Variants in RNF111 observed in about 807,000 individuals in gnomAD.
RNF111 encodes E3 ubiquitin-protein ligase Arkadia.
A neutral mutation model predicts 95.1 loss-of-function variants in RNF111; 17 were observed. The observed-to-expected ratio is 0.18, with a 90% CI of 0.12 to 0.27. The LOEUF (loss-of-function observed/expected upper bound fraction) is 0.27, where lower values mean the gene tolerates loss of function less well. Among genes scored for constraint, RNF111 ranks in the 10% least tolerant of loss-of-function variants. RNF111 has a pLI of 1.00. For synonymous variants in RNF111, 440 were observed against 414.8 expected (o/e 1.06, Z -0.74); for missense variants, 1,189 against 1,210.4 (o/e 0.98, Z 0.26).
intron 2 of RNF111, among the ~76,000 whole-genome samples, chr15:59,039,481 T>C (rs1378945537): frequency 6.6e-6 from 1 of 152,216 alleles, no homozygotes; most frequent in African/African-American, 2.4e-5. Context: ...TTGAGTATCA[T>C]TATGAATGCA....
Position 59,091,124 on chromosome 15 carries a change from A to T in RNF111, c.2709A>T (p.Glu903Asp), listed in dbSNP as rs771807265. 6.2e-7 allele frequency: 1 copy of T among 1,607,372 alleles called. No homozygotes were observed. Among genetic ancestry groups the T allele is most frequent in the South Asian group, 1.1e-5 (1 of 90,574 alleles). ...VNRGASQGTI[E>D]RCTYPHKYKK... ...GTGGAGCATCCCAGGGGACAATTGA[A>T]AGATGTACATATCCACATAAATACA... The change falls in exon 12 of 14, where the codon GAA (glutamate) becomes GAT (aspartate). Residue 903 changes from glutamate to aspartate, a missense_variant. This residue lies in a region of RNF111 where 165 missense variants were observed against 284.6 expected (regional missense o/e 0.58). Transcript: ENST00000348370.
At chr15:59,090,392 G>A (rs2079019389) in intron 11 of RNF111, among the ~76,000 whole-genome samples, 1 of 152,134 alleles carries the variant, frequency 6.6e-6, no homozygotes, top group East Asian at 1.9e-4. Context: ...ACCACGCCCG[G>A]CTAATTTTTG....
At chr15:59,026,393 T>C (rs1482217536) in intron 1 of RNF111, among the ~76,000 whole-genome samples, 1 of 141,306 alleles carries the variant, frequency 7.1e-6, no homozygotes, top group Admixed American at 7.1e-5. Context: ...CATCATGACA[T>C]AGCAATGAAA....
At chr15:59,015,399 A>C (rs1435010200) in intron 1 of RNF111, among the ~76,000 whole-genome samples, 1 of 152,130 alleles carries the variant, frequency 6.6e-6, no homozygotes, top group Non-Finnish European at 1.5e-5. Context: ...GCATTTTAAT[A>C]AAAATGGAGA....
intron 2 of RNF111, among the ~76,000 whole-genome samples, chr15:59,042,780 T>A (rs943822765): frequency 1.3e-5 from 2 of 152,226 alleles, no homozygotes; most frequent in African/African-American, 4.8e-5. Context: ...GTCTTATTGC[T>A]CTGTCTGTCC....
chr15:59,055,924 C>A, intron 4 of RNF111, 79 bp downstream of exon 4: 1 of 1,106,306 alleles, frequency 9.0e-7, no homozygotes, highest in East Asian at 2.7e-5. Flanking sequence ...AGAAACTCCT[C>A]CTGCTTACTG....
At position 59,058,557 on chromosome 15, in the gene RNF111, A is replaced by T. The variant is rs763631645; in HGVS notation, c.1366+7A>T. ...ACTGGCACTTCTATAGGAGGTATGT[A>T]AAAAAGTGGGGGAGGGGAGACTTTT... is the stretch of plus-strand genomic sequence containing the variant. On this transcript the variant is annotated splice_region_variant and intron_variant, in intron 5 of 13. Coordinates refer to ENST00000348370, the MANE Select transcript of RNF111 (RefSeq NM_017610.8). 24 of 1,612,850 alleles carry T rather than the reference A, an allele frequency of 1.5e-5. No individual in the cohort carries two copies. The highest frequency in any genetic ancestry group is 2.0e-5 in the Non-Finnish European group (24 of 1,178,926).
intron 6 of RNF111, among the ~76,000 whole-genome samples, chr15:59,073,367 G>T (rs1165593809): frequency 1.8e-4 from 27 of 151,894 alleles, no homozygotes; most frequent in Admixed American, 1.8e-3. Context: ...TGTAATCCCA[G>T]CTGCTCGCGA....
At chr15:59,026,174 T>C (rs1487680660) in intron 1 of RNF111, among the ~76,000 whole-genome samples, 1 of 152,202 alleles carries the variant, frequency 6.6e-6, no homozygotes, top group African/African-American at 2.4e-5. Flanking sequence ...AGTTTAGAAG[T>C]AGAGTTCCTC....
chr15:59,047,656 A>C (rs769929043), intron 2 of RNF111, among the ~76,000 whole-genome samples: 2 of 151,974 alleles, frequency 1.3e-5, no homozygotes, highest in African/African-American at 4.8e-5. Flanking sequence ...GCTCACTGCA[A>C]CGTGCGTCTC....
intron 1 of RNF111, among the ~76,000 whole-genome samples, chr15:59,017,509 T>A (rs1244351791): frequency 6.6e-6 from 1 of 152,192 alleles, no homozygotes; most frequent in East Asian, 1.9e-4. Flanking sequence ...TATAAAAACA[T>A]CAATTGTCTT....
At chr15:59,026,367 G>A (rs1421868590) in intron 1 of RNF111, among the ~76,000 whole-genome samples, 1 of 151,976 alleles carries the variant, frequency 6.6e-6, no homozygotes, top group African/African-American at 2.4e-5. Context: ...AGTATCAGGA[G>A]TAATTAGCAT....
chr15:59,041,180 T>G (rs1484615219), intron 2 of RNF111, among the ~76,000 whole-genome samples: 2 of 152,218 alleles, frequency 1.3e-5, no homozygotes, highest in Non-Finnish European at 2.9e-5. Flanking sequence ...CCTTGCATGG[T>G]TGTACCAGTT....
At chr15:59,016,496 TTC>T (rs2040074619) in intron 1 of RNF111, among the ~76,000 whole-genome samples, 1 of 152,182 alleles carries the variant, frequency 6.6e-6, no homozygotes, top group African/African-American at 2.4e-5. Flanking sequence ...AACCTGTATT[TTC>T]TCTCTCTGCC....
intron 6 of RNF111, 75 bp from the exon 7 acceptor site, chr15:59,075,879 G>T: frequency 1.4e-6 from 2 of 1,466,774 alleles, no homozygotes; most frequent in South Asian, 2.5e-5. Flanking sequence ...GGTTATATTA[G>T]GAATACTTTT....
intron 6 of RNF111, among the ~76,000 whole-genome samples, chr15:59,074,105 C>T (rs1479899794): frequency 2.0e-5 from 3 of 152,130 alleles, no homozygotes; most frequent in African/African-American, 4.8e-5. Flanking sequence ...TTAAAATATT[C>T]AGTAAACCAC....
chr15:59,090,383 C>G (rs545977800), intron 11 of RNF111, among the ~76,000 whole-genome samples: 1 of 152,308 alleles, frequency 6.6e-6, no homozygotes, highest in Non-Finnish European at 1.5e-5. Context: ...GTGCCCGCCA[C>G]CACGCCCGGC....
intron 1 of RNF111, among the ~76,000 whole-genome samples, chr15:59,015,883 G>T (rs761284498): frequency 7.2e-5 from 11 of 151,922 alleles, no homozygotes; most frequent in Non-Finnish European, 1.0e-4. Flanking sequence ...TTCGAGACAG[G>T]TTCTCACGCC....
chr15:59,090,004 A>G (rs1318020660), intron 11 of RNF111, among the ~76,000 whole-genome samples: 1 of 152,210 alleles, frequency 6.6e-6, no homozygotes, highest in Non-Finnish European at 1.5e-5. Context: ...ATAAAAATGT[A>G]TTAAATCAAT....
Sources: allele counts gnomAD v4.1 joint callset (sites outside exome capture counted in the v4.1 genomes callset), GRCh38; gene constraint gnomAD v4.1.1; regional missense constraint gnomAD v4.1.1; transcripts MANE v1.5; gene names NCBI Gene and HGNC (gene_info 2026-07-23, HGNC 2026-07-21).